Variants in DAB1 observed in about 807,000 individuals in gnomAD.
The protein encoded by DAB1 is disabled homolog 1.
In DAB1, 15 loss-of-function variants were observed where a neutral mutation model predicts 64.6. The ratio of observed to expected loss-of-function variants is 0.23; its 90% confidence interval spans 0.16 to 0.36. DAB1 has a LOEUF of 0.36. Ranked by LOEUF, DAB1 falls within the 10% of genes least tolerant of loss-of-function variation. The pLI is 1.00. For missense variants in DAB1, 596 were observed against 706.7 expected (o/e 0.84, Z 1.78); for synonymous variants, 235 against 251.9 (o/e 0.93, Z 0.64).
chr1:57,582,300 GGA>G (rs1249077188), intron 7 of DAB1, among the ~76,000 whole-genome samples: 3 of 152,290 alleles, frequency 2.0e-5, no homozygotes, highest in Middle Eastern at 3.4e-3. Context: ...CAGAGTGGCA[GGA>G]GAGAGAGAAA....
chr1:58,022,515 G>A (rs1414425469), intron 5 of DAB1, among the ~76,000 whole-genome samples: 1 of 152,158 alleles, frequency 6.6e-6, no homozygotes, highest in African/African-American at 2.4e-5. Flanking sequence ...CACTTCAATA[G>A]AGGATGAGAC....
intron 4 of DAB1, among the ~76,000 whole-genome samples, chr1:58,299,799 TTGTCTTCTTGCCTACCAAAGACTGATTG>T (rs1436810066): frequency 6.6e-6 from 1 of 152,176 alleles, no homozygotes; most frequent in Non-Finnish European, 1.5e-5. Context: ...GCCTGTGCAT[TTGTCTTCTTGCCTACCAAAGACTGATTG>T]TGATGTACTG....
chr1:57,257,260 A>C (rs2100543175), intron 2 of DAB1, among the ~76,000 whole-genome samples: 1 of 152,230 alleles, frequency 6.6e-6, no homozygotes, highest in South Asian at 2.1e-4. Context: ...CCTGCAAACA[A>C]ATTGCCTAGA....
intron 6 of DAB1, among the ~76,000 whole-genome samples, chr1:57,768,081 G>A (rs1557469476): frequency 6.7e-6 from 1 of 148,444 alleles, no homozygotes; most frequent in Non-Finnish European, 1.5e-5. Context: ...GGAGGCTGAA[G>A]TAGGAGAATT....
chr1:57,590,589 C>T (rs1034483084), intron 7 of DAB1, among the ~76,000 whole-genome samples: 24 of 151,980 alleles, frequency 1.6e-4, no homozygotes, highest in Admixed American at 3.9e-4. Flanking sequence ...TCTTGGCCTC[C>T]CAAAGTGCTA....
At chr1:57,068,230 A>G (rs1244015627) in intron 8 of DAB1, among the ~76,000 whole-genome samples, 1 of 152,190 alleles carries the variant, frequency 6.6e-6, no homozygotes, top group East Asian at 1.9e-4. Context: ...GTAAGGTTGT[A>G]TATACTTTAA....
rs1570439743 is a variant in DAB1, at chr1:56,995,036, C to T, written c.*3108G>A. The T allele has an allele frequency of 6.6e-6, 1 of 151,962 alleles. No homozygotes were observed. The highest frequency in any genetic ancestry group is 1.5e-5 in the Non-Finnish European group (1 of 67,988). The allele number at this position is 151,962 out of a possible 1,614,324, so 9.4% of individuals were successfully genotyped here. A position where few individuals can be genotyped will look rare whatever the true frequency, so the allele number is the denominator to read the frequency against. On this transcript the variant is annotated 3_prime_UTR_variant, in exon 15 of 15. Transcript: ENST00000371236. ...ACGCAGAAATTGAAATGAACCAAACCCACAGAGTAAACATTTGTTTAAAAG... is the reference window on the plus strand; with the variant it reads ...ACGCAGAAATTGAAATGAACCAAACTCACAGAGTAAACATTTGTTTAAAAG...
chr1:58,163,509 A>G (rs377265294), intron 4 of DAB1, among the ~76,000 whole-genome samples: 3 of 152,330 alleles, frequency 2.0e-5, no homozygotes, highest in African/African-American at 4.8e-5. Flanking sequence ...ACAACAGCAT[A>G]TAACGACCTG....
chr1:57,205,153 C>T (rs1030754109), intron 2 of DAB1, among the ~76,000 whole-genome samples: 1 of 152,136 alleles, frequency 6.6e-6, no homozygotes, highest in Non-Finnish European at 1.5e-5. Context: ...AAAGGGGAGG[C>T]CCATCTGTAC....
At chr1:58,044,525 G>C (rs1218939210) in intron 5 of DAB1, among the ~76,000 whole-genome samples, 1 of 151,852 alleles carries the variant, frequency 6.6e-6, no homozygotes, top group Non-Finnish European at 1.5e-5. Flanking sequence ...AGTGTCTCTT[G>C]TTATATTAGA....
chr1:57,598,229 G>A (rs924740107), intron 7 of DAB1, among the ~76,000 whole-genome samples: 9 of 152,316 alleles, frequency 5.9e-5, no homozygotes, highest in East Asian at 1.9e-4. Context: ...TGATCCACCC[G>A]CCTCGGCCTC....
chr1:58,079,133 G>A (rs2764687), intron 5 of DAB1, among the ~76,000 whole-genome samples: 84,871 of 152,070 alleles, frequency 0.56, 24,284 homozygotes, highest in Middle Eastern at 0.66. Flanking sequence ...GAGAAGTCAG[G>A]TGGCTTGACC....
chr1:58,064,721 T>G (rs929932916), intron 5 of DAB1, among the ~76,000 whole-genome samples: 2 of 132,890 alleles, frequency 1.5e-5, no homozygotes, highest in African/African-American at 2.8e-5. Context: ...ATTTATGTAT[T>G]TATTTATTTA....
At chr1:57,080,735 A>AACAC (rs568921240) in intron 4 of DAB1, among the ~76,000 whole-genome samples, 46 of 142,052 alleles carry the variant, frequency 3.2e-4, no homozygotes, top group Admixed American at 8.4e-4. Context: ...GAGAAGTTAC[A>AACAC]ACACACACAC....
At chr1:57,709,958 T>C (rs926941872) in intron 6 of DAB1, among the ~76,000 whole-genome samples, 8 of 152,138 alleles carry the variant, frequency 5.3e-5, no homozygotes, top group African/African-American at 1.9e-4. Context: ...GCTTTTCTAC[T>C]TTTGCGACTT....
intron 7 of DAB1, among the ~76,000 whole-genome samples, chr1:57,609,850 AC>A (rs1224544852): frequency 2.0e-5 from 3 of 152,230 alleles, no homozygotes; most frequent in African/African-American, 4.8e-5. Context: ...ACTTTAGCAT[AC>A]ATCTCAAATT....
At chr1:57,329,510 T>C (rs1676465257) in intron 1 of DAB1, among the ~76,000 whole-genome samples, 1 of 152,100 alleles carries the variant, frequency 6.6e-6, no homozygotes, top group Admixed American at 6.5e-5. Context: ...TAATTCTAAT[T>C]ATGTGGGCTT....
At chr1:57,105,914 G>A (rs1655096678) in intron 4 of DAB1, among the ~76,000 whole-genome samples, 1 of 152,130 alleles carries the variant, frequency 6.6e-6, no homozygotes, top group African/African-American at 2.4e-5. Context: ...ACTGACTGTG[G>A]GAAACAGCAT....
chr1:57,805,728 A>G (rs1166770528), intron 6 of DAB1, among the ~76,000 whole-genome samples: 8 of 152,142 alleles, frequency 5.3e-5, no homozygotes, highest in Non-Finnish European at 1.0e-4. Flanking sequence ...AGTTCTTCAT[A>G]TATTTCCTTA....
Sources: allele counts gnomAD v4.1 joint callset (sites outside exome capture counted in the v4.1 genomes callset), GRCh38; gene constraint gnomAD v4.1.1; transcripts MANE v1.5; gene names NCBI Gene and HGNC (gene_info 2026-07-23, HGNC 2026-07-21).